Variants in PLCB4 observed in about 807,000 individuals in gnomAD.
The protein encoded by PLCB4 is 1-phosphatidylinositol 4,5-bisphosphate phosphodiesterase beta-4.
A neutral mutation model predicts 178.8 loss-of-function variants in PLCB4; 77 were observed. The observed-to-expected ratio is 0.43, with a 90% CI of 0.36 to 0.52. The LOEUF (loss-of-function observed/expected upper bound fraction) is 0.52. Ranked by LOEUF, PLCB4 falls within the 20% of genes least tolerant of loss-of-function variation. PLCB4 has a pLI of 0.00. For missense variants in PLCB4, 1,024 were observed against 1,453.4 expected (o/e 0.70, Z 4.80); for synonymous variants, 496 against 490.8 (o/e 1.01, Z -0.14).
intron 12 of PLCB4, among the ~76,000 whole-genome samples, chr20:9,377,563 G>C (rs115097084): frequency 2.6e-3 from 398 of 152,314 alleles, no homozygotes; most frequent in African/African-American, 9.1e-3. Flanking sequence ...GAGAGCTGAA[G>C]ATTGTTATCT....
intron 36 of PLCB4, among the ~76,000 whole-genome samples, chr20:9,470,403 T>G (rs1281136482): frequency 2.0e-5 from 3 of 152,026 alleles, no homozygotes; most frequent in Non-Finnish European, 4.4e-5. Flanking sequence ...TTTAAGGGCC[T>G]TATATACATG....
rs186632609 is a variant in PLCB4, at chr20:9,294,229, G to T, written c.-15-13571G>T. Among the ~76,000 whole-genome samples the T allele has an allele frequency of 1.2e-3, 179 of 152,212 alleles. 1 individual carries two copies. The highest frequency in any genetic ancestry group is 4.1e-3 in the African/African-American group (170 of 41,556). On this transcript the variant is annotated intron_variant, in intron 3 of 39. Transcript: ENST00000378473. ...AAGGTTTGGGCCAAAAGAGGTAACT[G>T]CTTGAAGTTATTTAAGTGACTGTGA... is the stretch of plus-strand genomic sequence containing the variant.
chr20:9,362,791 T>C, intron 7 of PLCB4, 105 bp from the exon 8 acceptor site: 2 of 709,104 alleles, frequency 2.8e-6, no homozygotes, highest in Non-Finnish European at 5.1e-6. Context: ...AAAAGAAGAG[T>C]TTGTGTTTTT....
At chr20:9,075,074 G>A (rs1486401686) in intron 1 of PLCB4, among the ~76,000 whole-genome samples, 3 of 152,064 alleles carry the variant, frequency 2.0e-5, no homozygotes, top group African/African-American at 7.2e-5. Flanking sequence ...ACTTCTGACA[G>A]CCTTTTTGAG....
intron 2 of PLCB4, among the ~76,000 whole-genome samples, chr20:9,109,752 A>G (rs1036704028): frequency 2.0e-5 from 3 of 152,156 alleles, no homozygotes; most frequent in African/African-American, 7.2e-5. Flanking sequence ...GTTCTCACAT[A>G]AATATTATCC....
intron 25 of PLCB4, among the ~76,000 whole-genome samples, chr20:9,415,614 T>A (rs1042967818): frequency 6.6e-6 from 1 of 152,274 alleles, no homozygotes; most frequent in Non-Finnish European, 1.5e-5. Flanking sequence ...GTCTTGGCAT[T>A]GGCTTTGGCC....
intron 3 of PLCB4, among the ~76,000 whole-genome samples, chr20:9,268,933 C>T (rs897372661): frequency 6.6e-6 from 1 of 152,178 alleles, no homozygotes; most frequent in Non-Finnish European, 1.5e-5. Flanking sequence ...CTCCTCTGAA[C>T]CTTGTCATCA....
intron 3 of PLCB4, among the ~76,000 whole-genome samples, chr20:9,260,461 C>T (rs2094285862): frequency 6.6e-6 from 1 of 151,886 alleles, no homozygotes; most frequent in African/African-American, 2.4e-5. Flanking sequence ...CACAGTGGTT[C>T]CCTTTGAGAA....
intron 2 of PLCB4, among the ~76,000 whole-genome samples, chr20:9,120,700 T>G (rs577222501): frequency 6.6e-6 from 1 of 152,172 alleles, no homozygotes; most frequent in South Asian, 2.1e-4. Flanking sequence ...GAAGCACCAT[T>G]CTGATCCCAA....
intron 19 of PLCB4, among the ~76,000 whole-genome samples, chr20:9,398,533 C>T (rs527547558): frequency 6.6e-6 from 1 of 152,130 alleles, no homozygotes; most frequent in Non-Finnish European, 1.5e-5. Context: ...TAAGGCATTA[C>T]TGATACGATA....
chr20:9,227,628 C>T (rs576688776), intron 3 of PLCB4, among the ~76,000 whole-genome samples: 17 of 152,192 alleles, frequency 1.1e-4, no homozygotes, highest in Middle Eastern at 3.4e-3. Context: ...AGTCTATTGG[C>T]TGTAGATTTG....
chr20:9,207,935 T>C (rs1389519763), intron 2 of PLCB4, among the ~76,000 whole-genome samples: 1 of 152,208 alleles, frequency 6.6e-6, no homozygotes, highest in East Asian at 1.9e-4. Context: ...TTTCATAGAC[T>C]TGCTGAACAA....
intron 34 of PLCB4, 68 bp downstream of exon 34, chr20:9,457,557 C>T (rs1164451881): frequency 2.5e-6 from 2 of 805,812 alleles, no homozygotes; most frequent in Non-Finnish European, 4.5e-6. Flanking sequence ...AGAAGGAGTA[C>T]CTAGTGTAAA....
chr20:9,169,858 C>A (rs1307837305), intron 2 of PLCB4, among the ~76,000 whole-genome samples: 1 of 152,180 alleles, frequency 6.6e-6, no homozygotes, highest in Non-Finnish European at 1.5e-5. Flanking sequence ...CCTTTATTAT[C>A]TGTCCATCCA....
At chr20:9,072,229 T>G (rs2146463382) in intron 1 of PLCB4, among the ~76,000 whole-genome samples, 1 of 152,300 alleles carries the variant, frequency 6.6e-6, no homozygotes, top group Non-Finnish European at 1.5e-5. Context: ...GGACACTGCT[T>G]AATTCTCAGT....
At chr20:9,088,355 A>G (rs1230227003) in intron 1 of PLCB4, among the ~76,000 whole-genome samples, 1 of 151,994 alleles carries the variant, frequency 6.6e-6, no homozygotes, top group Non-Finnish European at 1.5e-5. Flanking sequence ...TATACAAGGA[A>G]CTCATCATAT....
chr20:9,478,104 C>G (rs1435919048), intron 39 of PLCB4, among the ~76,000 whole-genome samples: 2 of 152,164 alleles, frequency 1.3e-5, no homozygotes, highest in Non-Finnish European at 2.9e-5. Flanking sequence ...TCCAGGCTAC[C>G]AGTTGGATAA....
intron 7 of PLCB4, among the ~76,000 whole-genome samples, chr20:9,351,059 A>G (rs1382891352): frequency 2.6e-5 from 4 of 152,188 alleles, no homozygotes; most frequent in Admixed American, 6.5e-5. Context: ...GTCCACATAT[A>G]AAGGGGGTTC....
At chr20:9,180,943 A>G (rs1264654314) in intron 2 of PLCB4, among the ~76,000 whole-genome samples, 1 of 152,216 alleles carries the variant, frequency 6.6e-6, no homozygotes, top group African/African-American at 2.4e-5. Context: ...TGGGCTTGCC[A>G]ACTGCTACAG....
Sources: allele counts gnomAD v4.1 joint callset (sites outside exome capture counted in the v4.1 genomes callset), GRCh38; gene constraint gnomAD v4.1.1; transcripts MANE v1.5; gene names NCBI Gene and HGNC (gene_info 2026-07-23, HGNC 2026-07-21).